The following ADARB2 variants were observed in gnomAD, a reference collection of about 807,000 sequenced individuals.
ADARB2 encodes inactive double-stranded RNA-specific editase B2.
A neutral mutation model predicts 62.2 loss-of-function variants in ADARB2; 25 were observed. That is an observed-to-expected ratio of 0.40 (90% confidence interval 0.29 to 0.56). The LOEUF is 0.56. Ranked by LOEUF, ADARB2 falls within the 20% of genes least tolerant of loss-of-function variation. ADARB2 has a pLI of 0.43. For synonymous variants in ADARB2, 572 were observed against 500.8 expected (o/e 1.14, Z -1.90); for missense variants, 1,071 against 1,077.4 (o/e 0.99, Z 0.08).
intron 1 of ADARB2, among the ~76,000 whole-genome samples, chr10:1,439,918 G>A (rs1028761097): frequency 2.0e-5 from 3 of 148,032 alleles, no homozygotes; most frequent in East Asian, 4.1e-4. Context: ...CTCAGTGGAC[G>A]GAGGCAGGTC....
At chr10:1,364,449 G>A (rs912850478) in intron 2 of ADARB2, among the ~76,000 whole-genome samples, 41 of 152,240 alleles carry the variant, frequency 2.7e-4, no homozygotes, top group African/African-American at 9.7e-4. Flanking sequence ...TGGCCCAGGT[G>A]AGGCACTGCG....
At chr10:1,513,941 A>G (rs998956173) in intron 1 of ADARB2, among the ~76,000 whole-genome samples, 7 of 151,858 alleles carry the variant, frequency 4.6e-5, no homozygotes, top group African/African-American at 1.2e-4. Context: ...ACAAAAATAC[A>G]GCCGGGGGCA....
At chr10:1,368,320 C>T (rs1013481603) in intron 2 of ADARB2, among the ~76,000 whole-genome samples, 33 of 152,268 alleles carry the variant, frequency 2.2e-4, no homozygotes, top group East Asian at 1.9e-4. Flanking sequence ...GAGTGAGAGT[C>T]GGCCGTGAGG....
intron 1 of ADARB2, among the ~76,000 whole-genome samples, chr10:1,447,513 T>G (rs1830985850): frequency 6.6e-6 from 1 of 152,134 alleles, no homozygotes; most frequent in Non-Finnish European, 1.5e-5. Context: ...GCCATACAGC[T>G]TCTGCATTTT....
At chr10:1,513,579 G>C (rs1369546192) in intron 1 of ADARB2, among the ~76,000 whole-genome samples, 1 of 152,186 alleles carries the variant, frequency 6.6e-6, no homozygotes, top group African/African-American at 2.4e-5. Flanking sequence ...GGGCTACTCT[G>C]GGGTGGAATT....
At chr10:1,503,197 G>C (rs1430126348) in intron 1 of ADARB2, among the ~76,000 whole-genome samples, 1 of 152,058 alleles carries the variant, frequency 6.6e-6, no homozygotes, top group African/African-American at 2.4e-5. Context: ...GCAATATCAG[G>C]CTTTCGTGAA....
intron 1 of ADARB2, among the ~76,000 whole-genome samples, chr10:1,563,446 G>T (rs1832814910): frequency 3.3e-5 from 5 of 152,048 alleles, no homozygotes; most frequent in Admixed American, 2.6e-4. Flanking sequence ...CTTGCTGCTG[G>T]CTATAGCTTA....
intron 3 of ADARB2, among the ~76,000 whole-genome samples, chr10:1,359,655 T>G (rs1366793760): frequency 6.6e-6 from 1 of 152,168 alleles, no homozygotes; most frequent in East Asian, 1.9e-4. Flanking sequence ...ATTGCAGGTC[T>G]CCGAGGGCCT....
In ADARB2 at chr10:1,728,534, C is replaced by G. The variant is rs568967199; in HGVS notation, c.100+8517G>C. ...TACGTCGTGTGCATATATTAGACAT[C>G]TGCACAAACACACAAGTGCACATGT... On this transcript the variant is annotated intron_variant, in intron 1 of 9. Transcript: ENST00000381312. Among the ~76,000 whole-genome samples, 3 of 152,304 alleles carry G rather than the reference C, an allele frequency of 2.0e-5. No homozygotes were observed. In the South Asian group the frequency reaches 6.2e-4, roughly 32 times the overall value.
In ADARB2 at chr10:1,712,624, T is replaced by TC. The variant is rs1834962771; in HGVS notation, c.100+24426_100+24427insG. Among the ~76,000 whole-genome samples the TC allele has an allele frequency of 6.9e-5, 8 of 115,444 alleles. No individual in the cohort carries two copies. The South Asian group carries it at 2.8e-3, about 41-fold the overall frequency. The allele number at this position is 115,444 out of a possible 152,430, so 75.7% of individuals were successfully genotyped here. A position where few individuals can be genotyped will look rare whatever the true frequency, so the allele number is the denominator to read the frequency against. ...AAACCACCATTACTTTTTTTTTTTT[T>TC]GAAACGGAGTCTCCCTCTGTCCCCC... On this transcript the variant is annotated intron_variant, in intron 1 of 9. Coordinates refer to ENST00000381312, the MANE Select transcript of ADARB2 (RefSeq NM_018702.4).
intron 1 of ADARB2, among the ~76,000 whole-genome samples, chr10:1,582,141 A>C (rs1833111235): frequency 6.6e-6 from 1 of 152,216 alleles, no homozygotes; most frequent in Admixed American, 6.5e-5. Context: ...TTTCATTTAC[A>C]TGATGGATGA....
At chr10:1,543,114 G>A (rs961042290) in intron 1 of ADARB2, among the ~76,000 whole-genome samples, 7 of 152,250 alleles carry the variant, frequency 4.6e-5, no homozygotes, top group African/African-American at 1.4e-4. Context: ...ACCCTGGGGC[G>A]GTGTGGGGTG....
intron 8 of ADARB2, 160 bp downstream of exon 8, chr10:1,199,806 T>G (rs760479525): frequency 1.5e-5 from 11 of 758,548 alleles, no homozygotes; most frequent in Non-Finnish European, 2.2e-5. Flanking sequence ...CTGAAACCTT[T>G]CATTTTTTCT....
rs111390787 is a variant in ADARB2 at position 1,209,536 on chromosome 10, C to T, written c.1682+7415G>A. 8.4e-3 allele frequency among the ~76,000 whole-genome samples: 556 copies of T among 66,358 alleles called. 3 individuals are homozygous for T. Among genetic ancestry groups the T allele is most frequent in the African/African-American group, 0.034 (519 of 15,246 alleles). 43.5% of individuals were successfully genotyped at this position (66,358 alleles called of 152,430 possible). A position where few individuals can be genotyped will look rare whatever the true frequency, so the allele number is the denominator to read the frequency against. On this transcript the variant is annotated intron_variant, in intron 7 of 9. Coordinates refer to ENST00000381312, the MANE Select transcript of ADARB2 (RefSeq NM_018702.4). Reference sequence around the variant, plus strand: ...TCACCCATGCCCACACCTACAGCCTCGCCCACACCCATGCCATCACCCACA... The same window carrying T: ...TCACCCATGCCCACACCTACAGCCTTGCCCACACCCATGCCATCACCCACA...
intron 1 of ADARB2, among the ~76,000 whole-genome samples, chr10:1,511,109 G>T (rs1588282958): frequency 6.6e-6 from 1 of 152,160 alleles, no homozygotes; most frequent in East Asian, 1.9e-4. Flanking sequence ...CTCCTAAAAT[G>T]CTGGGATTAC....
chr10:1,551,068 T>C (rs138003728), intron 1 of ADARB2, among the ~76,000 whole-genome samples: 1 of 152,018 alleles, frequency 6.6e-6, no homozygotes, highest in African/African-American at 2.4e-5. Context: ...ACAGAGCTGA[T>C]GAAGATAAAT....
At chr10:1,417,116 G>C (rs1169626283) in intron 1 of ADARB2, among the ~76,000 whole-genome samples, 5 of 152,260 alleles carry the variant, frequency 3.3e-5, no homozygotes, top group African/African-American at 9.6e-5. Context: ...TGGCCAGGAA[G>C]TGTAGATCAG....
At chr10:1,650,146 G>T (rs370924649) in intron 1 of ADARB2, among the ~76,000 whole-genome samples, 1 of 152,210 alleles carries the variant, frequency 6.6e-6, no homozygotes, top group Non-Finnish European at 1.5e-5. Context: ...GACTGGCTAC[G>T]TTCATGACTG....
intron 1 of ADARB2, among the ~76,000 whole-genome samples, chr10:1,495,608 C>T (rs1216222275): frequency 1.5e-5 from 1 of 65,592 alleles, no homozygotes; most frequent in South Asian, 4.2e-4. Context: ...TTTAGAGGAG[C>T]CTTAGAAATA....
Sources: gnomAD v4.1 joint callset for allele counts (sites outside exome capture counted in the v4.1 genomes callset) on GRCh38, gnomAD v4.1.1 for gene constraint, MANE v1.5 for transcripts, NCBI Gene and HGNC (gene_info 2026-07-23, HGNC 2026-07-21) for gene names.